The following PCDH9 variants were observed in gnomAD, a reference collection of about 807,000 sequenced individuals.
PCDH9 encodes the protein protocadherin 9, also known as protocadherin-9.
PCDH9 carries 24 observed loss-of-function variants against 70.6 expected under a neutral mutation model. That is an observed-to-expected ratio of 0.34 (90% CI 0.25 to 0.48). The LOEUF is 0.48. PCDH9 is among the 20% of genes least tolerant of loss of function. PCDH9 has a pLI of 0.99. For missense variants in PCDH9, 1,281 were observed against 1,503.6 expected (o/e 0.85, Z 2.45); for synonymous variants, 562 against 558.5 (o/e 1.01, Z -0.09).
chr13:66,874,395 A>G (rs530008361), intron 3 of PCDH9, among the ~76,000 whole-genome samples: 1 of 152,204 alleles, frequency 6.6e-6, no homozygotes, highest in East Asian at 1.9e-4. Flanking sequence ...TATTGTAGTC[A>G]CTTAGAGATC....
intron 2 of PCDH9, among the ~76,000 whole-genome samples, chr13:67,030,318 A>C (rs1445987505): frequency 6.6e-6 from 1 of 152,210 alleles, no homozygotes; most frequent in Non-Finnish European, 1.5e-5. Context: ...ATTCTAGAGT[A>C]GCTTGCTTCA....
chr13:66,722,395 G>A (rs964418271), intron 3 of PCDH9, among the ~76,000 whole-genome samples: 1 of 152,068 alleles, frequency 6.6e-6, no homozygotes, highest in Non-Finnish European at 1.5e-5. Flanking sequence ...AAATCAAATC[G>A]CAAAGAGATT....
chr13:66,923,365 CCT>C (rs1368955557), intron 2 of PCDH9, among the ~76,000 whole-genome samples: 6 of 151,052 alleles, frequency 4.0e-5, no homozygotes, highest in Non-Finnish European at 7.4e-5. Flanking sequence ...ATATGTAAAC[CCT>C]GTTTCATAAC....
chr13:66,594,959 T>C (rs1196929247), intron 4 of PCDH9, among the ~76,000 whole-genome samples: 1 of 149,584 alleles, frequency 6.7e-6, no homozygotes, highest in Admixed American at 6.7e-5. Flanking sequence ...GAAGAGCTAC[T>C]CCTCCCCTTC....
chr13:66,817,046 A>C (rs778096514), intron 3 of PCDH9, among the ~76,000 whole-genome samples: 1 of 151,998 alleles, frequency 6.6e-6, no homozygotes, highest in Non-Finnish European at 1.5e-5. Flanking sequence ...TAAAAATTTA[A>C]AAAGCAATAT....
At chr13:66,795,191 A>G (rs2080223015) in intron 3 of PCDH9, among the ~76,000 whole-genome samples, 1 of 152,106 alleles carries the variant, frequency 6.6e-6, no homozygotes, top group South Asian at 2.1e-4. Flanking sequence ...GAATTTGTTT[A>G]GTTTTTGAAA....
chr13:66,700,915 TACATATAA>T (rs1362602240), intron 3 of PCDH9, among the ~76,000 whole-genome samples: 1 of 63,476 alleles, frequency 1.6e-5, no homozygotes, highest in African/African-American at 5.6e-5. Context: ...TATATGTGTG[TACATATAA>T]ATATATATAT....
chr13:67,214,369 G>A (rs898216459), intron 2 of PCDH9: 1 of 152,094 alleles, frequency 6.6e-6, no homozygotes, highest in East Asian at 1.9e-4. Context: ...TGGAATAATT[G>A]GAAGCAAGAA....
At chr13:67,040,411 A>G (rs531928773) in intron 2 of PCDH9, among the ~76,000 whole-genome samples, 5 of 152,286 alleles carry the variant, frequency 3.3e-5, no homozygotes, top group African/African-American at 1.2e-4. Flanking sequence ...GGAGTTCAAC[A>G]TCAGCCTGGG....
intron 4 of PCDH9, among the ~76,000 whole-genome samples, chr13:66,456,797 T>G (rs1421228269): frequency 6.6e-6 from 1 of 152,106 alleles, no homozygotes; most frequent in Non-Finnish European, 1.5e-5. Flanking sequence ...TTGGAAAGAA[T>G]CTTTCATTTT....
At chr13:66,915,758 G>C (rs1443532100) in intron 2 of PCDH9, among the ~76,000 whole-genome samples, 2 of 151,638 alleles carry the variant, frequency 1.3e-5, no homozygotes, top group Non-Finnish European at 3.0e-5. Context: ...AAAGAAACAG[G>C]AAATCAGTGT....
intron 2 of PCDH9, among the ~76,000 whole-genome samples, chr13:67,142,575 T>C (rs1362890182): frequency 6.6e-6 from 1 of 152,110 alleles, no homozygotes; most frequent in Non-Finnish European, 1.5e-5. Flanking sequence ...TGTGAGAGAA[T>C]GAGCAAAGAC....
At chr13:66,408,914 C>T (rs1335625832) in intron 4 of PCDH9, among the ~76,000 whole-genome samples, 5 of 152,038 alleles carry the variant, frequency 3.3e-5, no homozygotes, top group Non-Finnish European at 5.9e-5. Context: ...CATATAAGGA[C>T]AAAAATCTTC....
intron 4 of PCDH9, among the ~76,000 whole-genome samples, chr13:66,398,161 C>T (rs887502943): frequency 6.6e-6 from 1 of 151,950 alleles, no homozygotes; most frequent in Non-Finnish European, 1.5e-5. Context: ...AGATATACCT[C>T]AGAATTTAAA....
At chr13:66,845,031 C>T (rs1454006160) in intron 3 of PCDH9, among the ~76,000 whole-genome samples, 1 of 152,074 alleles carries the variant, frequency 6.6e-6, no homozygotes, top group Non-Finnish European at 1.5e-5. Context: ...TGTATGCTGA[C>T]TCGTCCATAG....
At chr13:66,502,924 T>A (rs1459325879) in intron 4 of PCDH9, among the ~76,000 whole-genome samples, 1 of 152,220 alleles carries the variant, frequency 6.6e-6, no homozygotes, top group East Asian at 1.9e-4. Flanking sequence ...AATTTAAGTC[T>A]GCAAAGAATA....
At chr13:66,407,536 T>G (rs1449438421) in intron 4 of PCDH9, among the ~76,000 whole-genome samples, 1 of 152,212 alleles carries the variant, frequency 6.6e-6, no homozygotes. Flanking sequence ...GCTGTAGCTG[T>G]AATTTCCATG....
At chr13:66,759,071 C>G (rs1479830940) in intron 3 of PCDH9, among the ~76,000 whole-genome samples, 4 of 151,826 alleles carry the variant, frequency 2.6e-5, no homozygotes, top group Admixed American at 1.3e-4. Context: ...AAAGCCAACT[C>G]TTTGTTTCAT....
chr13:66,499,926 C>T (rs1259839103), intron 4 of PCDH9, among the ~76,000 whole-genome samples: 1 of 152,144 alleles, frequency 6.6e-6, no homozygotes, highest in Non-Finnish European at 1.5e-5. Context: ...GCATGCCTGC[C>T]CATCCTTTCC....
Sources: allele counts gnomAD v4.1 joint callset (sites outside exome capture counted in the v4.1 genomes callset), GRCh38; gene constraint gnomAD v4.1.1; transcripts MANE v1.5; gene names NCBI Gene and HGNC (gene_info 2026-07-23, HGNC 2026-07-21).